LRRTM4: variants seen among roughly 807,000 people sequenced by gnomAD.
LRRTM4 encodes leucine-rich repeat transmembrane neuronal protein 4.
Under a neutral mutation model 47.6 loss-of-function variants are expected in LRRTM4, and 25 were observed. The ratio of observed to expected loss-of-function variants is 0.53; its 90% CI spans 0.38 to 0.73. LRRTM4 has a LOEUF of 0.73. Ranked by LOEUF, LRRTM4 falls within the 30% of genes least tolerant of loss-of-function variation. LRRTM4 has a pLI of 0.00. For synonymous variants in LRRTM4, 311 were observed against 269.5 expected, an observed-to-expected ratio of 1.15 and a Z score of -1.51; for missense variants, 638 against 713.4, an observed-to-expected ratio of 0.89 and a Z score of 1.20.
intron 3 of LRRTM4, among the ~76,000 whole-genome samples, chr2:77,207,372 T>TATATATACACAC (rs59335400): frequency 0.013 from 1,672 of 130,936 alleles, 44 homozygotes; most frequent in African/African-American, 0.051. Flanking sequence ...TATATATATA[T>TATATATACACAC]ACACACACAC....
intron 3 of LRRTM4, among the ~76,000 whole-genome samples, chr2:77,125,237 G>T (rs546631080): frequency 6.6e-6 from 1 of 152,096 alleles, no homozygotes; most frequent in Non-Finnish European, 1.5e-5. Context: ...TATTTAGGAC[G>T]TCATCTGTGA....
intron 3 of LRRTM4, among the ~76,000 whole-genome samples, chr2:77,467,515 A>G (rs1364362726): frequency 6.6e-6 from 1 of 152,202 alleles, no homozygotes; most frequent in Non-Finnish European, 1.5e-5. Context: ...ACTCACTTAC[A>G]CATTTATGAG....
At chr2:77,306,001 T>C (rs1343787684) in intron 3 of LRRTM4, among the ~76,000 whole-genome samples, 1 of 152,168 alleles carries the variant, frequency 6.6e-6, no homozygotes, top group Non-Finnish European at 1.5e-5. Context: ...TTTAACCATG[T>C]ATTATGACCA....
At chr2:76,838,925 T>G (rs1443152604) in intron 3 of LRRTM4, among the ~76,000 whole-genome samples, 2 of 152,082 alleles carry the variant, frequency 1.3e-5, no homozygotes, top group African/African-American at 4.8e-5. Context: ...ACCTTCCAAT[T>G]TGTTTCAGTT....
intron 3 of LRRTM4, among the ~76,000 whole-genome samples, chr2:76,922,057 C>T (rs1674449203): frequency 6.6e-6 from 1 of 152,208 alleles, no homozygotes; most frequent in South Asian, 2.1e-4. Context: ...AACGCAATAT[C>T]ATTCAGCCTT....
At chr2:77,254,627 A>G (rs904279704) in intron 3 of LRRTM4, among the ~76,000 whole-genome samples, 3 of 151,944 alleles carry the variant, frequency 2.0e-5, no homozygotes, top group Non-Finnish European at 2.9e-5. Context: ...AAATGTAAAG[A>G]GAATAAATTT....
intron 3 of LRRTM4, among the ~76,000 whole-genome samples, chr2:76,838,860 T>A (rs1057502002): frequency 6.6e-6 from 1 of 152,164 alleles, no homozygotes; most frequent in Admixed American, 6.6e-5. Context: ...ATATTTATTA[T>A]ACATTTCATA....
intron 3 of LRRTM4, among the ~76,000 whole-genome samples, chr2:77,096,657 AATAG>A (rs1670820636): frequency 6.6e-6 from 1 of 151,610 alleles, no homozygotes; most frequent in African/African-American, 2.4e-5. Flanking sequence ...GAATATAGAG[AATAG>A]ATAAAGGTAT....
At chr2:77,401,456 T>C (rs192517515) in intron 3 of LRRTM4, among the ~76,000 whole-genome samples, 2 of 152,046 alleles carry the variant, frequency 1.3e-5, no homozygotes, top group East Asian at 3.9e-4. Flanking sequence ...CTATGTAACA[T>C]TACGGTAAAT....
intron 3 of LRRTM4, among the ~76,000 whole-genome samples, chr2:76,776,936 T>C (rs1371277396): frequency 1.7e-4 from 23 of 137,492 alleles, no homozygotes; most frequent in Admixed American, 2.2e-4. Context: ...GATTTTTGTA[T>C]AAGGTGTAAG....
chr2:77,212,694 T>C (rs946252828), intron 3 of LRRTM4, among the ~76,000 whole-genome samples: 3 of 151,964 alleles, frequency 2.0e-5, no homozygotes, highest in African/African-American at 7.2e-5. Context: ...TCTATTACTT[T>C]ATTTGAAATT....
At position 77,292,708 on chromosome 2, in the gene LRRTM4, G is replaced by GA. The variant is rs1197749603; in HGVS notation, c.1551+225609dup. On this transcript the variant is annotated intron_variant, in intron 3 of 3. Coordinates refer to ENST00000409884, the MANE Select transcript of LRRTM4 (RefSeq NM_001134745.3). ...TCTGGGGACTGTTGTGGGGTGGGGG[G>GA]AGGGGGGAGGGGTAGCTTTAAGAGA... is the stretch of plus-strand genomic sequence containing the variant. Among the ~76,000 whole-genome samples, 3 of 108,162 alleles carry GA rather than the reference G, an allele frequency of 2.8e-5. No homozygotes were observed. The East Asian group carries it at 9.6e-4, about 34-fold the overall frequency. 71.0% of individuals were successfully genotyped at this position (108,162 alleles called of 152,430 possible).
intron 3 of LRRTM4, among the ~76,000 whole-genome samples, chr2:76,860,095 C>G (rs192158614): frequency 2.0e-5 from 3 of 152,162 alleles, no homozygotes; most frequent in Admixed American, 2.0e-4. Flanking sequence ...AAAACACACA[C>G]AGAAAATAGG....
intron 3 of LRRTM4, among the ~76,000 whole-genome samples, chr2:77,483,932 T>C (rs1008880858): frequency 1.3e-5 from 2 of 152,220 alleles, no homozygotes; most frequent in East Asian, 1.9e-4. Context: ...CAATCTTGTA[T>C]AGAAACTTCA....
chr2:77,284,525 C>A (rs1676597325), intron 3 of LRRTM4, among the ~76,000 whole-genome samples: 1 of 148,616 alleles, frequency 6.7e-6, no homozygotes, highest in Admixed American at 6.6e-5. Context: ...CTGTGAATCA[C>A]TAAAATGATG....
chr2:77,332,159 CTT>C (rs1360956789), intron 3 of LRRTM4, among the ~76,000 whole-genome samples: 1 of 152,128 alleles, frequency 6.6e-6, no homozygotes, highest in African/African-American at 2.4e-5. Context: ...GCAAGGTAAA[CTT>C]CTTCAAAATT....
At position 76,900,550 on chromosome 2, in the gene LRRTM4, T is replaced by C. The variant is rs751463518; in HGVS notation, c.1552-151634A>G. Among the ~76,000 whole-genome samples, 109 of 152,190 alleles carry C rather than the reference T, an allele frequency of 7.2e-4. 1 individual carries two copies. The highest frequency in any genetic ancestry group is 1.0e-3 in the Non-Finnish European group (68 of 68,024). ...GCATAAAATAGTTCCTGGTATATTA[T>C]GGCTTTCTATAAAGATTTCTTAAAT... On this transcript the variant is annotated intron_variant, in intron 3 of 3. Coordinates refer to ENST00000409884, the MANE Select transcript of LRRTM4 (RefSeq NM_001134745.3).
At chr2:77,376,026 C>A (rs1227400137) in intron 3 of LRRTM4, among the ~76,000 whole-genome samples, 1 of 151,774 alleles carries the variant, frequency 6.6e-6, no homozygotes, top group African/African-American at 2.4e-5. Context: ...TTGTGACTGG[C>A]TATATCTGTT....
intron 3 of LRRTM4, among the ~76,000 whole-genome samples, chr2:76,928,665 TA>T (rs1674667002): frequency 6.6e-6 from 1 of 152,116 alleles, no homozygotes; most frequent in Non-Finnish European, 1.5e-5. Flanking sequence ...TTTACATGAA[TA>T]GGAAAATAAA....
Sources: allele counts gnomAD v4.1 joint callset (sites outside exome capture counted in the v4.1 genomes callset), GRCh38; gene constraint gnomAD v4.1.1; transcripts MANE v1.5; gene names NCBI Gene and HGNC (gene_info 2026-07-23, HGNC 2026-07-21).